POMK: variants seen among roughly 807,000 people sequenced by gnomAD.
POMK encodes Sugen kinase 196.
Under a neutral mutation model 23.0 loss-of-function variants are expected in POMK, and 19 were observed. The ratio of observed to expected loss-of-function variants is 0.83; its 90% confidence interval spans 0.58 to 1.21. The LOEUF (loss-of-function observed/expected upper bound fraction) is 1.21, where lower values mean the gene tolerates loss of function less well. Ranked by LOEUF, POMK falls within the 50% of genes most tolerant of loss-of-function variation. POMK has a pLI of 0.00. For synonymous variants in POMK, 173 were observed against 171.6 expected (o/e 1.01, Z -0.06); for missense variants, 410 against 431.3 (o/e 0.95, Z 0.44).
At chr8:43,100,586 A>G (rs1223620259) in intron 2 of POMK, among the ~76,000 whole-genome samples, 2 of 151,686 alleles carry the variant, frequency 1.3e-5, no homozygotes, top group African/African-American at 4.8e-5. Flanking sequence ...GAAGGACTCA[A>G]GTGCTGGGTG....
chr8:43,121,510 A>G (rs771616767), intron 4 of POMK, among the ~76,000 whole-genome samples: 4 of 152,258 alleles, frequency 2.6e-5, no homozygotes, highest in African/African-American at 4.8e-5. Context: ...TTTTCCTTAC[A>G]TATAAATGTT....
chr8:43,111,644 C>T (rs867545339), intron 4 of POMK, among the ~76,000 whole-genome samples: 15 of 151,028 alleles, frequency 9.9e-5, no homozygotes, highest in East Asian at 2.0e-4. Context: ...CCCTGACCCC[C>T]GAGTAGCCTA....
Position 43,096,051 on chromosome 8 carries a change from T to C in POMK, c.-209-1473T>C, listed in dbSNP as rs145592985. 3.8e-3 allele frequency among the ~76,000 whole-genome samples: 574 copies of C among 151,944 alleles called. 4 individuals are homozygous for C. The highest frequency in any genetic ancestry group is 0.012 in the African/African-American group (496 of 41,442). ...GGCTGAGGCCATGAAGAGGGAGAGGTGCAGAGTGACCAGGCAGTTGGTGCG... is the reference window on the plus strand; with the variant it reads ...GGCTGAGGCCATGAAGAGGGAGAGGCGCAGAGTGACCAGGCAGTTGGTGCG... On this transcript the variant is annotated intron_variant, in intron 1 of 4. Coordinates refer to ENST00000331373, the MANE Select transcript of POMK (RefSeq NM_032237.5).
intron 4 of POMK, among the ~76,000 whole-genome samples, chr8:43,112,966 A>G (rs1242524294): frequency 2.0e-5 from 3 of 152,248 alleles, no homozygotes; most frequent in Admixed American, 1.3e-4. Flanking sequence ...AATCATGCCA[A>G]TTGTAAAGAC....
chr8:43,119,916 T>A (rs1811877860), intron 4 of POMK, among the ~76,000 whole-genome samples: 1 of 151,670 alleles, frequency 6.6e-6, no homozygotes, highest in Admixed American at 6.6e-5. Context: ...CTAACTCCAT[T>A]TTATATAATA....
intron 4 of POMK, among the ~76,000 whole-genome samples, chr8:43,106,957 A>C (rs1811556555): frequency 6.6e-6 from 1 of 152,184 alleles, no homozygotes; most frequent in African/African-American, 2.4e-5. Context: ...GTTGACCCTA[A>C]GGTGAGAGGA....
intron 4 of POMK, among the ~76,000 whole-genome samples, chr8:43,118,872 C>T (rs1303774401): frequency 1.3e-5 from 2 of 152,100 alleles, no homozygotes; most frequent in African/African-American, 4.8e-5. Context: ...GGCCTGATCT[C>T]GGCTAACTGC....
chr8:43,120,472 T>C (rs1811890193), intron 4 of POMK, among the ~76,000 whole-genome samples: 1 of 152,032 alleles, frequency 6.6e-6, no homozygotes, highest in Admixed American at 6.6e-5. Context: ...CTGCCTGCCT[T>C]GGCTTCCAAA....
intron 4 of POMK, among the ~76,000 whole-genome samples, chr8:43,108,011 T>A (rs1435469542): frequency 1.3e-5 from 2 of 152,246 alleles, no homozygotes; most frequent in South Asian, 2.1e-4. Flanking sequence ...ATAGGCTTTT[T>A]AAATTGCCTT....
rs193114389 is a variant in POMK, at chr8:43,112,137, C to T, written c.282+8307C>T. Among the ~76,000 whole-genome samples the T allele has an allele frequency of 5.9e-5, 9 of 152,118 alleles. No individual in the cohort carries two copies. In the East Asian group the frequency reaches 1.4e-3, roughly 23 times the overall value. The stretch of plus-strand genomic sequence containing the variant: ...CTACTGCGAGCTAAAGGAGGAAGTT[C>T]GAACCAATGGGAAAGAAGTTAAAAA... On this transcript the variant is annotated intron_variant, in intron 4 of 4. Coordinates refer to ENST00000331373, the MANE Select transcript of POMK (RefSeq NM_032237.5).
At chr8:43,112,943 C>T (rs1197653751) in intron 4 of POMK, among the ~76,000 whole-genome samples, 2 of 152,212 alleles carry the variant, frequency 1.3e-5, no homozygotes, top group African/African-American at 4.8e-5. Flanking sequence ...ACAACCGGTA[C>T]CAGCCACTGC....
chr8:43,094,154 C>T (rs1016868876), intron 1 of POMK, among the ~76,000 whole-genome samples: 1 of 152,168 alleles, frequency 6.6e-6, no homozygotes, highest in Non-Finnish European at 1.5e-5. Context: ...AGTGTAGTGG[C>T]GCGGTCTTGG....
chr8:43,118,597 T>C (rs913426852), intron 4 of POMK, among the ~76,000 whole-genome samples: 5 of 152,202 alleles, frequency 3.3e-5, no homozygotes, highest in Non-Finnish European at 7.3e-5. Flanking sequence ...GCAACTAAAT[T>C]AGAGGTTGTG....
chr8:43,119,356 C>T (rs1321783773), intron 4 of POMK, among the ~76,000 whole-genome samples: 2 of 149,352 alleles, frequency 1.3e-5, no homozygotes, highest in African/African-American at 4.9e-5. Flanking sequence ...AAATCTTGAA[C>T]TTTTAGAATG....
At chr8:43,100,627 G>A (rs907219849) in intron 2 of POMK, among the ~76,000 whole-genome samples, 2 of 151,978 alleles carry the variant, frequency 1.3e-5, no homozygotes, top group Admixed American at 1.3e-4. Context: ...CGTGGTGGGT[G>A]TGTGCATGCG....
intron 4 of POMK, among the ~76,000 whole-genome samples, chr8:43,105,553 A>G (rs1029454170): frequency 6.6e-6 from 1 of 152,210 alleles, no homozygotes; most frequent in Non-Finnish European, 1.5e-5. Context: ...TTTTGTGTAT[A>G]TATACCACAT....
intron 4 of POMK, among the ~76,000 whole-genome samples, chr8:43,108,563 A>G (rs1394976428): frequency 6.6e-6 from 1 of 152,254 alleles, no homozygotes; most frequent in Non-Finnish European, 1.5e-5. Context: ...TGAAAAAGCA[A>G]AGAATCAGCA....
Position 43,123,004 on chromosome 8 carries a change from T to A in POMK, c.*127T>A, listed in dbSNP as rs549771910. 6.3e-4 allele frequency: 517 copies of A among 816,058 alleles called. No individual in the cohort carries two copies. The African/African-American group carries it at 8.3e-3, about 13-fold the overall frequency. 50.6% of individuals were successfully genotyped at this position (816,058 alleles called of 1,614,324 possible). A position where few individuals can be genotyped will look rare whatever the true frequency, so the allele number is the denominator to read the frequency against. ...TTTTTTTTATGGCTTAGCCATGTGG[T>A]TCGTTGTCCACATCCACATGTACGT... On this transcript the variant is annotated 3_prime_UTR_variant, in exon 5 of 5. Transcript: ENST00000331373.
chr8:43,103,883 A>G (rs1036748111), intron 4 of POMK, 53 bp downstream of exon 4: 431 of 1,557,682 alleles, frequency 2.8e-4, no homozygotes, highest in South Asian at 3.5e-4. Context: ...CGCTTAACAC[A>G]GTGTCCTCCA....
Sources: gnomAD v4.1 joint callset for allele counts (sites outside exome capture counted in the v4.1 genomes callset) on GRCh38, gnomAD v4.1.1 for gene constraint, MANE v1.5 for transcripts, NCBI Gene and HGNC (gene_info 2026-07-23, HGNC 2026-07-21) for gene names.